The following CFAP100 variants were observed in gnomAD, a reference collection of about 807,000 sequenced individuals.
CFAP100 encodes the protein cilia- and flagella-associated protein 100.
In CFAP100, 70 loss-of-function variants were observed where a neutral mutation model predicts 81.5. That is an observed-to-expected ratio of 0.86 (90% CI 0.71 to 1.05). The LOEUF is 1.05. Ranked by LOEUF, CFAP100 falls within the 50% of genes least tolerant of loss-of-function variation. CFAP100 has a pLI of 0.00. For synonymous variants in CFAP100, 341 were observed against 314.8 expected (o/e 1.08, Z -0.88); for missense variants, 811 against 776.5 (o/e 1.04, Z -0.53).
intron 13 of CFAP100, among the ~76,000 whole-genome samples, chr3:126,425,329 G>GA (rs957598846): frequency 4.6e-5 from 7 of 151,486 alleles, no homozygotes; most frequent in Non-Finnish European, 7.4e-5. Flanking sequence ...TCTTTTCTCA[G>GA]AAAAAAAATC....
chr3:126,417,639 G>A (rs988687159), intron 5 of CFAP100, among the ~76,000 whole-genome samples: 6 of 152,212 alleles, frequency 3.9e-5, no homozygotes, highest in African/African-American at 1.2e-4. Context: ...CTGGGGAGGC[G>A]GGACTATGAC....
intron 2 of CFAP100, among the ~76,000 whole-genome samples, chr3:126,399,720 T>A (rs968928174): frequency 6.6e-6 from 1 of 152,192 alleles, no homozygotes; most frequent in Non-Finnish European, 1.5e-5. Context: ...CAGAAGCAAC[T>A]CTTCTGAAAC....
intron 4 of CFAP100, among the ~76,000 whole-genome samples, chr3:126,415,994 T>C (rs1388078479): frequency 6.6e-6 from 1 of 152,236 alleles, no homozygotes; most frequent in African/African-American, 2.4e-5. Flanking sequence ...CATCAAAATA[T>C]ACGGCTCTCA....
intron 2 of CFAP100, among the ~76,000 whole-genome samples, chr3:126,403,235 G>T (rs1047765199): frequency 5.9e-5 from 9 of 152,126 alleles, no homozygotes; most frequent in African/African-American, 2.2e-4. Context: ...AATCCGCTGG[G>T]GCTGGAACTG....
At chr3:126,431,072 A>G (rs1479300437) in intron 13 of CFAP100, among the ~76,000 whole-genome samples, 14 of 152,226 alleles carry the variant, frequency 9.2e-5, no homozygotes, top group Admixed American at 9.2e-4. Flanking sequence ...AAGGAAAGCC[A>G]AAGGAGAAAG....
intron 3 of CFAP100, among the ~76,000 whole-genome samples, chr3:126,409,568 A>T (rs1576624141): frequency 6.6e-6 from 1 of 152,368 alleles, no homozygotes; most frequent in Non-Finnish European, 1.5e-5. Flanking sequence ...ACCAACAGGC[A>T]TATGACTTCC....
At chr3:126,411,418 G>A (rs968990847) in intron 3 of CFAP100, among the ~76,000 whole-genome samples, 5 of 126,800 alleles carry the variant, frequency 3.9e-5, no homozygotes, top group African/African-American at 8.6e-5. Context: ...TTGGTATCAG[G>A]GTGATACTGG....
chr3:126,425,607 G>T (rs976109608), intron 13 of CFAP100, among the ~76,000 whole-genome samples: 3 of 152,014 alleles, frequency 2.0e-5, no homozygotes, highest in Non-Finnish European at 2.9e-5. Context: ...CTAGACAAAG[G>T]CATTACAAGA....
chr3:126,400,931 G>A (rs145636145), intron 2 of CFAP100, among the ~76,000 whole-genome samples: 25 of 152,326 alleles, frequency 1.6e-4, no homozygotes, highest in African/African-American at 3.6e-4. Context: ...GGTGGAAGCC[G>A]CCTGAGTATC....
chr3:126,410,395 C>T (rs1332919605), intron 3 of CFAP100, among the ~76,000 whole-genome samples: 3 of 152,206 alleles, frequency 2.0e-5, no homozygotes, highest in African/African-American at 4.8e-5. Context: ...TTGACCTAAT[C>T]GTAACCATTT....
At chr3:126,401,397 T>TTTTATATATATATA (rs869308239) in intron 2 of CFAP100, among the ~76,000 whole-genome samples, 12 of 76,208 alleles carry the variant, frequency 1.6e-4, no homozygotes, top group South Asian at 4.2e-4. Context: ...AAATCGTATT[T>TTTTATATATATATA]TATATATATA....
At chr3:126,423,847 C>A (rs780781218) in intron 13 of CFAP100, among the ~76,000 whole-genome samples, 9 of 152,216 alleles carry the variant, frequency 5.9e-5, no homozygotes, top group Non-Finnish European at 1.3e-4. Context: ...TGGGCAGGGC[C>A]CAGGCACCCG....
chr3:126,434,240 A>G lies in CFAP100; in HGVS notation c.1487A>G (p.Gln496Arg), dbSNP rs749924924. Reference sequence around the variant, plus strand: ...GTGTACCGGCACTGCACCGGCACCCAGCAGGAGGCCAACCTGGGCACCGTG... The same window carrying G: ...GTGTACCGGCACTGCACCGGCACCCGGCAGGAGGCCAACCTGGGCACCGTG... Reference protein sequence around the residue: ...LDVYRHCTGTQQEANLGTVQM... With the variant: ...LDVYRHCTGTRQEANLGTVQM... The change falls in exon 15 of 17, where the codon CAG becomes CGG. Residue 496 changes from glutamine (Q) to arginine (R), a missense_variant. Transcript: ENST00000352312. 3.0e-5 allele frequency: 48 copies of G among 1,613,846 alleles called. 1 individual carries two copies. The Admixed American group carries it at 7.8e-4, about 26-fold the overall frequency.
At chr3:126,418,020 GCCTC>G in intron 5 of CFAP100, 2 of 183,514 alleles carry the variant, frequency 1.1e-5, no homozygotes, top group South Asian at 1.2e-4. Context: ...TGTAGACTCA[GCCTC>G]TGCCCAGTTT....
intron 3 of CFAP100, among the ~76,000 whole-genome samples, chr3:126,407,883 C>A (rs1576622475): frequency 1.3e-5 from 2 of 152,300 alleles, no homozygotes; most frequent in East Asian, 3.9e-4. Flanking sequence ...TCGCTGCCAC[C>A]TGCACTGTGG....
chr3:126,429,223 T>C lies in CFAP100; in HGVS notation c.1287-3846T>C, dbSNP rs76811541. 6.7e-3 allele frequency among the ~76,000 whole-genome samples: 1,026 copies of C among 152,284 alleles called. 10 individuals carry two copies. The highest frequency in any genetic ancestry group is 0.023 in the African/African-American group (953 of 41,550). Reference sequence around the variant, plus strand: ...GTGCTTTTATTTGTTAGGAGCGTTTTGATTACTATGTCAATCTCCCTATTT... The same window carrying C: ...GTGCTTTTATTTGTTAGGAGCGTTTCGATTACTATGTCAATCTCCCTATTT... On this transcript the variant is annotated intron_variant, in intron 13 of 16. Transcript: ENST00000352312.
At chr3:126,416,292 C>T (rs1183779701) in intron 4 of CFAP100, 24 bp from the exon 5 acceptor site, 1 of 1,563,720 alleles carries the variant, frequency 6.4e-7, no homozygotes, top group African/African-American at 1.4e-5. Flanking sequence ...CTGGGCCCCG[C>T]CCGACTTGGC....
intron 11 of CFAP100, among the ~76,000 whole-genome samples, chr3:126,422,289 G>A (rs1022863720): frequency 6.6e-6 from 1 of 152,240 alleles, no homozygotes; most frequent in Non-Finnish European, 1.5e-5. Context: ...TCTGTAAAAT[G>A]GGCATCGGTG....
intron 3 of CFAP100, among the ~76,000 whole-genome samples, chr3:126,409,516 T>A (rs2107594872): frequency 6.6e-6 from 1 of 152,358 alleles, no homozygotes; most frequent in Admixed American, 6.5e-5. Flanking sequence ...CTTTAGTGGA[T>A]AAATGAAGTT....
Sources: allele counts gnomAD v4.1 joint callset (sites outside exome capture counted in the v4.1 genomes callset), GRCh38; gene constraint gnomAD v4.1.1; transcripts MANE v1.5; gene names NCBI Gene and HGNC (gene_info 2026-07-23, HGNC 2026-07-21).